ZNF658: variants seen among roughly 807,000 people sequenced by gnomAD.
ZNF658 encodes the protein zinc finger protein 658.
A neutral mutation model predicts 78.0 loss-of-function variants in ZNF658; 46 were observed. That is an observed-to-expected ratio of 0.59 (90% CI 0.47 to 0.75). The LOEUF (loss-of-function observed/expected upper bound fraction) is 0.75. Ranked by LOEUF, ZNF658 falls within the 30% of genes least tolerant of loss-of-function variation. The probability of loss-of-function intolerance (pLI) is 0.00; values close to 1 mark genes in which losing one functional copy is unlikely to be tolerated. For missense variants in ZNF658, 785 were observed against 1,189.3 expected (o/e 0.66, Z 5.00); for synonymous variants, 279 against 408.4 (o/e 0.68, Z 3.82).
chr9:66,908,582 C>G lies in ZNF658; in HGVS notation c.143-57C>G, dbSNP rs1240326498. ...ATGCTTTGCTGCCATATCTTTTTTTCCCTTTGGAAATCCAAAAGCCTGTGA... is the reference window on the plus strand; with the variant it reads ...ATGCTTTGCTGCCATATCTTTTTTTGCCTTTGGAAATCCAAAAGCCTGTGA... On this transcript the variant is annotated intron_variant, in intron 3 of 4. Transcript: ENST00000621410. The G allele has an allele frequency of 9.8e-6, 15 of 1,535,380 alleles. No individual in the cohort carries two copies. The East Asian group carries it at 3.4e-4, about 35-fold the overall frequency.
At position 66,918,323 on chromosome 9, in the gene ZNF658, G is replaced by C. The variant is rs1822392240; in HGVS notation, c.757G>C (p.Asp253His). 2 of 1,613,856 alleles carry C rather than the reference G, an allele frequency of 1.2e-6. No individual in the cohort carries two copies. The highest frequency in any genetic ancestry group is 8.5e-7 in the Non-Finnish European group (1 of 1,179,830). Residue 253 changes from aspartate (D) to histidine (H), a missense_variant, in exon 5 of 5, where the codon GAT becomes CAT. By Grantham distance (81) the Asp-to-His change is moderately conservative. Around this residue, in one of 12 missense-constraint regions of ZNF658, gnomAD observed 393 missense variants for 400.2 expected, o/e 0.98. Coordinates refer to ENST00000621410, the MANE Select transcript of ZNF658 (RefSeq NM_033160.7). ...CKDDEFRKNF[D>H]KITLFNHMRT... ...GGATGATGAATTTAGAAAAAACTTT[G>C]ATAAAATCACTTTATTTAACCACAT...
intron 4 of ZNF658, among the ~76,000 whole-genome samples, chr9:66,909,661 G>A (rs531694360): frequency 1.3e-5 from 2 of 152,246 alleles, no homozygotes; most frequent in African/African-American, 4.8e-5. Context: ...TCTAAATGCA[G>A]CATTTTTCCG....
chr9:66,926,549 ATTAAT>A (rs1244060277), intron 6 of ZNF658, among the ~76,000 whole-genome samples: 3 of 144,468 alleles, frequency 2.1e-5, no homozygotes, highest in South Asian at 4.5e-4. Flanking sequence ...ACTGCAAAAC[ATTAAT>A]TTAAGAAATT....
chr9:66,908,923 C>T (rs1822148621), intron 4 of ZNF658, among the ~76,000 whole-genome samples, 189 bp downstream of exon 4: 2 of 152,148 alleles, frequency 1.3e-5, no homozygotes, highest in Admixed American at 6.5e-5. Flanking sequence ...AGAAATATTG[C>T]ACTTTCATTC....
At chr9:66,915,331 A>T (rs1441260174) in intron 4 of ZNF658, among the ~76,000 whole-genome samples, 3 of 152,090 alleles carry the variant, frequency 2.0e-5, no homozygotes, top group Non-Finnish European at 4.4e-5. Flanking sequence ...TGTGGTTACA[A>T]TACACATTCA....
chr9:66,904,678 CA>C (rs1181603097), intron 2 of ZNF658, among the ~76,000 whole-genome samples: 7 of 152,212 alleles, frequency 4.6e-5, no homozygotes, highest in African/African-American at 1.7e-4. Flanking sequence ...AAGCTGTGTA[CA>C]CTGTAACTAC....
At chr9:66,902,399 T>C (rs77923001) in intron 1 of ZNF658, among the ~76,000 whole-genome samples, 54,908 of 76,832 alleles carry the variant, frequency 0.71, 20,875 homozygotes, top group East Asian at 0.86. Flanking sequence ...CATCAGATTT[T>C]GTGATGTTGC....
chr9:66,901,186 C>T (rs1349517943), intron 1 of ZNF658: 1 of 152,040 alleles, frequency 6.6e-6, no homozygotes, highest in African/African-American at 2.4e-5. Flanking sequence ...AAGCTGCTCT[C>T]ACAATTATGA....
At chr9:66,909,611 T>A (rs564110597) in intron 4 of ZNF658, among the ~76,000 whole-genome samples, 20 of 152,180 alleles carry the variant, frequency 1.3e-4, no homozygotes, top group Non-Finnish European at 2.8e-4. Flanking sequence ...TCATATGGTA[T>A]CTGTGTCTTT....
At chr9:66,929,044 A>C (rs1286667364) in intron 6 of ZNF658, among the ~76,000 whole-genome samples, 1 of 152,060 alleles carries the variant, frequency 6.6e-6, no homozygotes, top group East Asian at 1.9e-4. Context: ...AGGGCCTCAG[A>C]CAGAGACAGA....
In ZNF658 at chr9:66,905,460, G is replaced by GT. The variant is rs1412399058; in HGVS notation, c.15+1890dup. ...TTATCATTTATTTCAGATTTGTGGG[G>GT]TTTTTTGGCCATTACTACTTCTGAT... On this transcript the variant is annotated intron_variant, in intron 2 of 4. Coordinates refer to ENST00000621410, the MANE Select transcript of ZNF658 (RefSeq NM_033160.7). Among the ~76,000 whole-genome samples, 14 of 151,358 alleles carry GT rather than the reference G, an allele frequency of 9.2e-5. No homozygotes were observed. In the South Asian group the frequency reaches 1.5e-3, roughly 16 times the overall value.
In ZNF658 at chr9:66,918,663, T is replaced by G; in HGVS notation, c.1097T>G (p.Leu366Ter). ...TGTACAGATGCCCTCTACCAGAAAT[T>G]AGACTTTACAGCACATCAGAGAATT... ...NECTDALYQK[L>*]DFTAHQRIHT... Residue 366 changes from leucine to a stop codon, truncating the protein, a stop_gained, in exon 5 of 5, where the codon TTA (leucine) becomes TGA (stop). Transcript: ENST00000621410. LOFTEE classifies it high-confidence loss of function. 6.2e-7 allele frequency: 1 copy of G among 1,613,820 alleles called. No individual in the cohort carries two copies.
At chr9:66,928,953 T>C (rs1443791641) in intron 6 of ZNF658, among the ~76,000 whole-genome samples, 2 of 146,468 alleles carry the variant, frequency 1.4e-5, no homozygotes, top group East Asian at 4.0e-4. Flanking sequence ...TGCAGTTAAT[T>C]GTATGCCAAT....
At chr9:66,902,381 T>G (rs573709500) in intron 1 of ZNF658, among the ~76,000 whole-genome samples, 217 of 120,838 alleles carry the variant, frequency 1.8e-3, no homozygotes, top group African/African-American at 6.8e-3. Context: ...GTTGACTCCC[T>G]ATATATGCAT....
chr9:66,923,160 A>G (rs1373155763), downstream of ZNF658, among the ~76,000 whole-genome samples: 2 of 146,536 alleles, frequency 1.4e-5, no homozygotes, highest in African/African-American at 2.5e-5. Context: ...TGAAGGCCCA[A>G]GAGCCCCTGG....
chr9:66,916,398 G>C (rs1822336395), intron 4 of ZNF658, among the ~76,000 whole-genome samples: 6 of 150,844 alleles, frequency 4.0e-5, no homozygotes, highest in Admixed American at 4.0e-4. Context: ...TAATTTCTCT[G>C]TGGCCCAAGA....
At chr9:66,910,795 C>CA (rs1822197876) in intron 4 of ZNF658, among the ~76,000 whole-genome samples, 1 of 83,446 alleles carries the variant, frequency 1.2e-5, no homozygotes, top group Non-Finnish European at 2.4e-5. Context: ...GACTCAGTCC[C>CA]AAAAAATTAA....
chr9:66,917,705 C>T (rs1410602283), intron 4 of ZNF658, 100 bp from the exon 5 acceptor site: 34 of 1,202,054 alleles, frequency 2.8e-5, no homozygotes, highest in Non-Finnish European at 3.7e-5. Context: ...AGAGCAATAC[C>T]CTATTTCAAA....
At chr9:66,910,037 G>A (rs1450589376) in intron 4 of ZNF658, among the ~76,000 whole-genome samples, 25 of 152,168 alleles carry the variant, frequency 1.6e-4, no homozygotes, top group East Asian at 3.9e-4. Flanking sequence ...TGTTTCTTCC[G>A]CTTCTTATAA....
Sources: allele counts gnomAD v4.1 joint callset (sites outside exome capture counted in the v4.1 genomes callset), GRCh38; gene constraint gnomAD v4.1.1; regional missense constraint gnomAD v4.1.1; transcripts MANE v1.5; gene names NCBI Gene and HGNC (gene_info 2026-07-23, HGNC 2026-07-21).